The following PDE12 variants were observed in gnomAD, a reference collection of about 807,000 sequenced individuals.
The protein encoded by PDE12 is 2',5'-phosphodiesterase 12.
A neutral mutation model predicts 45.4 loss-of-function variants in PDE12; 26 were observed. The ratio of observed to expected loss-of-function variants is 0.57; its 90% confidence interval spans 0.42 to 0.79. The LOEUF is 0.79. Among genes scored for constraint, PDE12 ranks in the 30% least tolerant of loss-of-function variants. The pLI is 0.00. For synonymous variants in PDE12, 283 were observed against 323.9 expected (o/e 0.87, Z 1.36); for missense variants, 668 against 790.0 (o/e 0.85, Z 1.85).
chr3:57,560,133 C>T lies in PDE12; in HGVS notation c.*129C>T. 7.0e-7 allele frequency: 1 copy of T among 1,435,244 alleles called. No individual in the cohort carries two copies. The highest frequency in any genetic ancestry group is 9.1e-7 in the Non-Finnish European group (1 of 1,100,748). 88.9% of individuals were successfully genotyped at this position (1,435,244 alleles called of 1,614,324 possible). ...AATGTTCAGCCCTCCTAGTTATGTT[C>T]CTGATGTCTTCGTTATGAAACTGTT... On this transcript the variant is annotated 3_prime_UTR_variant, in exon 3 of 3. Transcript: ENST00000311180.
chr3:57,561,127 C>G lies in PDE12; in HGVS notation c.*1123C>G, dbSNP rs2069723684. 5.9e-5 allele frequency: 58 copies of G among 984,942 alleles called. No individual in the cohort carries two copies. The highest frequency in any genetic ancestry group is 6.9e-5 in the Non-Finnish European group (57 of 829,286). The allele number at this position is 984,942 out of a possible 1,614,324, so 61.0% of individuals were successfully genotyped here. On this transcript the variant is annotated 3_prime_UTR_variant, in exon 3 of 3. Transcript: ENST00000311180. Reference sequence around the variant, plus strand: ...TGAGTAGCAACATATTCAACTTGATCCCATTGTCTTCAGTTACTCTTGCCC... The same window carrying G: ...TGAGTAGCAACATATTCAACTTGATGCCATTGTCTTCAGTTACTCTTGCCC...
At chr3:57,652,917 A>G in the PDE12 span, among the ~76,000 whole-genome samples, 1 of 152,266 alleles carries the variant, frequency 6.6e-6, no homozygotes, top group African/African-American at 2.4e-5. Context: ...TGTGACAGCT[A>G]CATGCAACAG....
chr3:57,650,815 G>A, the PDE12 span, among the ~76,000 whole-genome samples: 2 of 124,854 alleles, frequency 1.6e-5, no homozygotes, highest in Admixed American at 1.8e-4. Context: ...ATGGAGTTTT[G>A]CTCTTGTTGC....
the PDE12 span, among the ~76,000 whole-genome samples, chr3:57,606,816 C>G: frequency 6.6e-6 from 1 of 152,056 alleles, no homozygotes; most frequent in Non-Finnish European, 1.5e-5. Context: ...CGAATAGGAA[C>G]AGCTCCAGTC....
the PDE12 span, among the ~76,000 whole-genome samples, chr3:57,650,379 A>G: frequency 6.6e-6 from 1 of 151,680 alleles, no homozygotes; most frequent in Admixed American, 6.6e-5. Flanking sequence ...GTTAATAAAA[A>G]ATAATTTAAT....
the PDE12 span, chr3:57,630,265 C>T: frequency 1.7e-6 from 1 of 589,794 alleles, no homozygotes; most frequent in South Asian, 2.8e-5. Context: ...TATAAAGCCC[C>T]TATAATGTCC....
At chr3:57,575,016 A>G in the PDE12 span, among the ~76,000 whole-genome samples, 22 of 152,006 alleles carry the variant, frequency 1.4e-4, no homozygotes, top group African/African-American at 5.1e-4. Context: ...CACCTGGCTA[A>G]TTTTGTATTT....
chr3:57,632,438 G>A, the PDE12 span, among the ~76,000 whole-genome samples: 1 of 151,480 alleles, frequency 6.6e-6, no homozygotes, highest in African/African-American at 2.4e-5. Context: ...TCTTACCTTC[G>A]CCTCCCAAAG....
chr3:57,632,972 T>C, the PDE12 span, among the ~76,000 whole-genome samples: 4 of 152,182 alleles, frequency 2.6e-5, no homozygotes, highest in Non-Finnish European at 4.4e-5. Context: ...TCATATAAAG[T>C]ATATCATTTA....
the PDE12 span, among the ~76,000 whole-genome samples, chr3:57,610,940 C>T: frequency 6.6e-6 from 1 of 152,058 alleles, no homozygotes; most frequent in East Asian, 1.9e-4. Context: ...CAATCCTAAG[C>T]CAAAAGAACA....
chr3:57,633,939 T>C, the PDE12 span, among the ~76,000 whole-genome samples: 3 of 152,012 alleles, frequency 2.0e-5, no homozygotes, highest in African/African-American at 4.8e-5. Context: ...TATTTTATAT[T>C]TGCTATACTA....
downstream of PDE12, among the ~76,000 whole-genome samples, chr3:57,570,557 T>A (rs1175408627): frequency 6.6e-6 from 1 of 152,044 alleles, no homozygotes. Context: ...TACATTTTTT[T>A]AAAAGTATGC....
At chr3:57,572,405 T>G in the PDE12 span, 2 of 778,728 alleles carry the variant, frequency 2.6e-6, no homozygotes, top group African/African-American at 1.7e-5. Context: ...CTCTTGCATC[T>G]CACAAAACTC....
At chr3:57,607,599 G>C in the PDE12 span, among the ~76,000 whole-genome samples, 1 of 152,178 alleles carries the variant, frequency 6.6e-6, no homozygotes, top group Non-Finnish European at 1.5e-5. Context: ...GAATGCACAA[G>C]CTTCAGTAGC....
In PDE12 at chr3:57,564,819, G is replaced by A. The variant is rs7643904; in HGVS notation, c.*4815G>A. ...ATAGCTGGGACTACAGGTGCGCACC[G>A]CCACACCTGGCTAATTTTTGTATAT... On this transcript the variant is annotated 3_prime_UTR_variant, in exon 3 of 3. Coordinates refer to ENST00000311180, the MANE Select transcript of PDE12 (RefSeq NM_177966.7). The A allele has an allele frequency of 0.84, 123,957 of 147,800 alleles. 52,528 individuals carry two copies. Among genetic ancestry groups the A allele is most frequent in the African/African-American group, 0.95 (38,040 of 39,966 alleles). 9.2% of individuals were successfully genotyped at this position (147,800 alleles called of 1,614,324 possible). A position where few individuals can be genotyped will look rare whatever the true frequency, so the allele number is the denominator to read the frequency against.
chr3:57,604,617 TGG>T, the PDE12 span, among the ~76,000 whole-genome samples: 3 of 8,338 alleles, frequency 3.6e-4, no homozygotes, highest in Non-Finnish European at 4.7e-4. Context: ...TTTTTTTTTT[TGG>T]GGGGGGTGGG....
chr3:57,633,051 T>G, the PDE12 span, among the ~76,000 whole-genome samples: 1 of 152,158 alleles, frequency 6.6e-6, no homozygotes, highest in Non-Finnish European at 1.5e-5. Flanking sequence ...GTGAGAAAAT[T>G]GAGGGTCAGA....
At chr3:57,619,656 C>T in the PDE12 span, 1 of 151,734 alleles carries the variant, frequency 6.6e-6, no homozygotes, top group Non-Finnish European at 1.5e-5. Flanking sequence ...AGATGGAGAC[C>T]ATCCTAGCAA....
chr3:57,620,202 A>G, the PDE12 span, among the ~76,000 whole-genome samples: 3 of 152,328 alleles, frequency 2.0e-5, no homozygotes, highest in South Asian at 6.2e-4. Flanking sequence ...AGCCTGGGTG[A>G]CAGAGCAGGA....
Sources: gnomAD v4.1 joint callset for allele counts (sites outside exome capture counted in the v4.1 genomes callset) on GRCh38, gnomAD v4.1.1 for gene constraint, MANE v1.5 for transcripts, NCBI Gene and HGNC (gene_info 2026-07-23, HGNC 2026-07-21) for gene names.